The following AADACL3 variants were observed in gnomAD, a reference collection of about 807,000 sequenced individuals.
AADACL3 encodes arylacetamide deacetylase like 3, also known as arylacetamide deacetylase-like 3.
A neutral mutation model predicts 13.6 loss-of-function variants in AADACL3; 13 were observed. The ratio of observed to expected loss-of-function variants is 0.95; its 90% CI spans 0.62 to 1.52. The LOEUF is 1.52. Among genes scored for constraint, AADACL3 ranks in the 40% most tolerant of loss-of-function variants. The pLI is 0.00. For missense variants in AADACL3, 519 were observed against 499.2 expected (o/e 1.04, Z -0.38); for synonymous variants, 195 against 197.0 (o/e 0.99, Z 0.08).
intron 3 of AADACL3, among the ~76,000 whole-genome samples, chr1:12,722,396 C>A (rs1333093054): frequency 6.6e-6 from 1 of 150,944 alleles, no homozygotes; most frequent in Middle Eastern, 3.4e-3. Context: ...CCTGGATAAA[C>A]CCCTGACTTT....
intron 3 of AADACL3, among the ~76,000 whole-genome samples, chr1:12,724,912 G>GTGAGTCAGGGAAGCAACA (rs1553152302): frequency 2.0e-5 from 3 of 152,226 alleles, no homozygotes; most frequent in African/African-American, 7.2e-5. Context: ...GCAGGAGCAG[G>GTGAGTCAGGGAAGCAACA]TGAGTCAGGG....
In AADACL3 at chr1:12,725,952, A is replaced by T; in HGVS notation, c.1180A>T (p.Met394Leu). 6.2e-7 allele frequency: 1 copy of T among 1,613,920 alleles called. No homozygotes were observed. Among genetic ancestry groups the T allele is most frequent in the Non-Finnish European group, 8.5e-7 (1 of 1,179,922 alleles). Reference protein sequence around the residue: ...DMSFLHFPCSMRILSALVQFV... With the variant: ...DMSFLHFPCSLRILSALVQFV... ...GAGCTTCTTGCACTTTCCCTGCTCC[A>T]TGAGAATTCTGAGTGCATTAGTTCA... is the stretch of plus-strand genomic sequence containing the variant. Residue 394 changes from methionine to leucine, a missense_variant, in exon 4 of 4, where the codon ATG (methionine) becomes TTG (leucine). Physicochemically the swap from Met to Leu is conservative, Grantham distance 15. Transcript: ENST00000359318.
At chr1:12,716,770 C>T (rs986014550) in intron 1 of AADACL3, among the ~76,000 whole-genome samples, 9 of 152,174 alleles carry the variant, frequency 5.9e-5, no homozygotes, top group Admixed American at 5.2e-4. Flanking sequence ...ATTCACAGCA[C>T]TCACCACTCT....
intron 1 of AADACL3, among the ~76,000 whole-genome samples, chr1:12,717,064 T>C (rs1648453241): frequency 6.6e-6 from 1 of 152,238 alleles, no homozygotes; most frequent in South Asian, 2.1e-4. Flanking sequence ...TTGTACTTTT[T>C]CTTGTGCCTT....
rs1324297393 is a variant in AADACL3, at chr1:12,726,796, G to A, written c.*800G>A. The A allele has an allele frequency of 6.6e-6, 1 of 152,252 alleles. No homozygotes were observed. Among genetic ancestry groups the A allele is most frequent in the Non-Finnish European group, 1.5e-5 (1 of 68,064 alleles). 9.4% of individuals were successfully genotyped at this position (152,252 alleles called of 1,614,324 possible). Reference sequence around the variant, plus strand: ...GACCCATGAAGGCTGAGTCTAACCAGATAACCCTGTCCACAGTGCAAAGTC... The same window carrying A: ...GACCCATGAAGGCTGAGTCTAACCAAATAACCCTGTCCACAGTGCAAAGTC... On this transcript the variant is annotated 3_prime_UTR_variant, in exon 4 of 4. Transcript: ENST00000359318.
Position 12,725,505 on chromosome 1 carries a change from A to G in AADACL3, c.733A>G (p.Thr245Ala), listed in dbSNP as rs917913043. The G allele has an allele frequency of 5.0e-6, 8 of 1,613,812 alleles. No individual in the cohort carries two copies. The highest frequency in any genetic ancestry group is 5.9e-6 in the Non-Finnish European group (7 of 1,179,980). Reference sequence around the variant, plus strand: ...ACAGAGGAAAAACATCCCACTGCTCACCTGGAGTTTCATCTGCTACTTTTT... The same window carrying G: ...ACAGAGGAAAAACATCCCACTGCTCGCCTGGAGTTTCATCTGCTACTTTTT... ...FQQRKNIPLL[T>A]WSFICYFFFQ... Residue 245 changes from threonine (T) to alanine (A), a missense_variant, in exon 4 of 4, where the codon ACC (threonine) becomes GCC (alanine). By Grantham distance (58) the Thr-to-Ala change is moderately conservative. Transcript: ENST00000359318.
chr1:12,720,744 A>C (rs1327403448), intron 2 of AADACL3, 139 bp from the exon 3 acceptor site: 14 of 643,534 alleles, frequency 2.2e-5, no homozygotes, highest in African/African-American at 3.6e-5. Context: ...ATCAGTGAGA[A>C]GATTGACCGG....
chr1:12,722,973 G>C (rs573277995), intron 3 of AADACL3, among the ~76,000 whole-genome samples: 116 of 152,066 alleles, frequency 7.6e-4, no homozygotes, highest in African/African-American at 2.7e-3. Flanking sequence ...TATAATTCTG[G>C]TCACAAAAAC....
At position 12,725,540 on chromosome 1, in the gene AADACL3, C is replaced by T; in HGVS notation, c.768C>T (p.Asn256=). ...WSFICYFFFQ[N]LDFSSSWQEV... ...TCATCTGCTACTTTTTTTTTCAAAA[C>T]CTGGATTTCAGCTCCTCCTGGCAAG... The change falls in exon 4 of 4, where the codon AAC becomes AAT. Residue 256 remains asparagine (N), a synonymous_variant. Transcript: ENST00000359318. 1 of 1,613,826 alleles carries T rather than the reference C, an allele frequency of 6.2e-7. No homozygotes were observed. Among genetic ancestry groups the T allele is most frequent in the South Asian group, 1.1e-5 (1 of 91,066 alleles).
chr1:12,725,281 C>G lies in AADACL3; in HGVS notation c.509C>G (p.Thr170Ser). 1 of 1,613,816 alleles carries G rather than the reference C, an allele frequency of 6.2e-7. No individual in the cohort carries two copies. Among genetic ancestry groups the G allele is most frequent in the Non-Finnish European group, 8.5e-7 (1 of 1,179,896 alleles). ...CCAGTAAGAGACTGCTTGGTGGCCA[C>G]CATCCACTTCCTGAAGTCCCTGGAT... ...PVPVRDCLVATIHFLKSLDAY... is the reference protein window; with the variant it reads ...PVPVRDCLVASIHFLKSLDAY... The change falls in exon 4 of 4, where the codon ACC becomes AGC. Residue 170 changes from threonine (T) to serine (S), a missense_variant. Coordinates refer to ENST00000359318, the MANE Select transcript of AADACL3 (RefSeq NM_001103170.3).
chr1:12,716,223 C>A lies in AADACL3; in HGVS notation c.47C>A (p.Ser16Ter). The A allele has an allele frequency of 7.6e-7, 1 of 1,310,000 alleles. No homozygotes were observed. The highest frequency in any genetic ancestry group is 1.1e-6 in the Non-Finnish European group (1 of 904,160). The allele number at this position is 1,310,000 out of a possible 1,614,324, so 81.1% of individuals were successfully genotyped here. A position where few individuals can be genotyped will look rare whatever the true frequency, so the allele number is the denominator to read the frequency against. ...LIFLAAACVF[S>*]LGVTLWVICS... ...TTCCTCGCAGCAGCCTGCGTGTTCT[C>A]ACTAGGGGTCACTCTGTGGGTCATT... is the stretch of plus-strand genomic sequence containing the variant. Residue 16 changes from serine (S) to a stop codon, truncating the protein, a stop_gained, in exon 1 of 4, where the codon TCA (serine) becomes TAA (stop). Coordinates refer to ENST00000359318, the MANE Select transcript of AADACL3 (RefSeq NM_001103170.3). LOFTEE classifies it high-confidence loss of function.
chr1:12,716,703 T>C (rs1648444180), intron 1 of AADACL3, among the ~76,000 whole-genome samples: 1 of 152,260 alleles, frequency 6.6e-6, no homozygotes, highest in Admixed American at 6.5e-5. Flanking sequence ...ATATAAAATT[T>C]ACCATCTTTC....
In AADACL3 at chr1:12,725,642, C is replaced by T. The variant is rs780222831; in HGVS notation, c.870C>T (p.Ile290=). The T allele has an allele frequency of 1.7e-5, 28 of 1,614,062 alleles. No individual in the cohort carries two copies. The highest frequency in any genetic ancestry group is 2.1e-5 in the Non-Finnish European group (25 of 1,179,998). ...KYRKWLGPEN[I]PERFKERGYQ... ...GAAAGTGGTTGGGCCCAGAAAACAT[C>T]CCTGAGAGGTTTAAGGAGAGGGGTT... Residue 290 remains isoleucine, a synonymous_variant, in exon 4 of 4, where the codon ATC becomes ATT. Transcript: ENST00000359318.
At chr1:12,722,784 G>A (rs1019204972) in intron 3 of AADACL3, among the ~76,000 whole-genome samples, 3 of 151,904 alleles carry the variant, frequency 2.0e-5, no homozygotes, top group African/African-American at 7.3e-5. Context: ...AGGCAGGGCA[G>A]CCATGGTGTT....
Position 12,725,715 on chromosome 1 carries a change from G to A in AADACL3, c.943G>A (p.Val315Ile), listed in dbSNP as rs542992579. The change falls in exon 4 of 4, where the codon GTA becomes ATA. Residue 315 changes from valine (V) to isoleucine (I), a missense_variant. Physicochemically the swap from Val to Ile is conservative, Grantham distance 29 (BLOSUM62 3). Transcript: ENST00000359318. Reference sequence around the variant, plus strand: ...CATGAATGAAGCTGCTTACTTGGAAGTAAGTGTTGTCCTGGATGTGATGTG... The same window carrying A: ...CATGAATGAAGCTGCTTACTTGGAAATAAGTGTTGTCCTGGATGTGATGTG... ...EPMNEAAYLEVSVVLDVMCSP... is the reference protein window; with the variant it reads ...EPMNEAAYLEISVVLDVMCSP... 7 of 1,614,152 alleles carry A rather than the reference G, an allele frequency of 4.3e-6. No individual in the cohort carries two copies. The African/African-American group carries it at 6.7e-5, about 15-fold the overall frequency.
rs1638237422 is a variant in AADACL3 at position 12,720,827 on chromosome 1, C to A, written c.386-56C>A. 12 of 1,493,930 alleles carry A rather than the reference C, an allele frequency of 8.0e-6. No individual in the cohort carries two copies. The South Asian group carries it at 1.4e-4, about 17-fold the overall frequency. The allele number at this position is 1,493,930 out of a possible 1,614,324, so 92.5% of individuals were successfully genotyped here. ...TGTGTCTGTAGGAAGAAGACGGTGA[C>A]AATGGCTGGCAAAGGAAGCCTTCCT... is the stretch of plus-strand genomic sequence containing the variant. On this transcript the variant is annotated intron_variant, in intron 2 of 3. Coordinates refer to ENST00000359318, the MANE Select transcript of AADACL3 (RefSeq NM_001103170.3).
In AADACL3 at chr1:12,725,048, T is replaced by C. The variant is rs72858800; in HGVS notation, c.450-174T>C. 8.8e-3 allele frequency among the ~76,000 whole-genome samples: 1,335 copies of C among 152,330 alleles called. 17 individuals are homozygous for C. Among genetic ancestry groups the C allele is most frequent in the African/African-American group, 0.029 (1,207 of 41,572 alleles). On this transcript the variant is annotated intron_variant, in intron 3 of 3. Transcript: ENST00000359318. ...GCATTGAGACAGTAGGAATGGCACC[T>C]GCCTAGGTATGTGGGCTTTATGTGT... is the stretch of plus-strand genomic sequence containing the variant.
intron 3 of AADACL3, among the ~76,000 whole-genome samples, chr1:12,724,304 A>G (rs549354677): frequency 6.6e-6 from 1 of 152,238 alleles, no homozygotes; most frequent in African/African-American, 2.4e-5. Context: ...ATGCTCATGA[A>G]TGTAACATAC....
intron 1 of AADACL3, 97 bp downstream of exon 1, chr1:12,716,441 T>C (rs1221398840): frequency 6.6e-7 from 1 of 1,505,544 alleles, no homozygotes; most frequent in Non-Finnish European, 9.2e-7. Flanking sequence ...TGAACACCGG[T>C]ATCATGGGGC....
Sources: allele counts gnomAD v4.1 joint callset (sites outside exome capture counted in the v4.1 genomes callset), GRCh38; gene constraint gnomAD v4.1.1; transcripts MANE v1.5; gene names NCBI Gene and HGNC (gene_info 2026-07-23, HGNC 2026-07-21).